GPC5: variants seen among roughly 807,000 people sequenced by gnomAD.
GPC5 encodes the protein glypican 5, also known as glypican-5.
In GPC5, 47 loss-of-function variants were observed where a neutral mutation model predicts 53.9. The ratio of observed to expected loss-of-function variants is 0.87; its 90% CI spans 0.69 to 1.11. The LOEUF is 1.11. GPC5 is among the 50% of genes most tolerant of loss of function. GPC5 has a pLI of 0.00. For missense variants in GPC5, 748 were observed against 713.1 expected (o/e 1.05, Z -0.56); for synonymous variants, 286 against 263.3 (o/e 1.09, Z -0.84).
At chr13:91,746,284 G>A (rs1566655903) in intron 4 of GPC5, among the ~76,000 whole-genome samples, 1 of 152,114 alleles carries the variant, frequency 6.6e-6, no homozygotes, top group Non-Finnish European at 1.5e-5. Context: ...CAAACAGTGT[G>A]CTAGGCATTG....
At chr13:91,502,314 C>A in intron 2 of GPC5, among the ~76,000 whole-genome samples, 1 of 152,128 alleles carries the variant, frequency 6.6e-6, no homozygotes, top group Non-Finnish European at 1.5e-5. Context: ...ACATGAAGTC[C>A]TTGCTCATGC....
At chr13:92,353,382 A>T (rs893982406) in intron 7 of GPC5, among the ~76,000 whole-genome samples, 1 of 152,058 alleles carries the variant, frequency 6.6e-6, no homozygotes, top group African/African-American at 2.4e-5. Context: ...AACAACATGG[A>T]TTTATCTTGA....
intron 7 of GPC5, among the ~76,000 whole-genome samples, chr13:92,385,463 CATAT>C (rs1236770481): frequency 8.6e-6 from 1 of 115,914 alleles, no homozygotes; most frequent in African/African-American, 3.3e-5. Flanking sequence ...CATATATACA[CATAT>C]ATACATATAT....
intron 7 of GPC5, among the ~76,000 whole-genome samples, chr13:92,272,127 T>C (rs968672189): frequency 6.6e-6 from 1 of 152,210 alleles, no homozygotes; most frequent in African/African-American, 2.4e-5. Flanking sequence ...GTAAGTTTCC[T>C]AACATGTCAT....
intron 2 of GPC5, among the ~76,000 whole-genome samples, chr13:91,618,500 G>C (rs2033760696): frequency 6.6e-6 from 1 of 151,954 alleles, no homozygotes; most frequent in Non-Finnish European, 1.5e-5. Context: ...CTCTCTCTCA[G>C]CCCACTCATG....
At position 92,829,011 on chromosome 13, in the gene GPC5, T is replaced by C. The variant is rs540002601; in HGVS notation, c.1562-37271T>C. On this transcript the variant is annotated intron_variant, in intron 7 of 7. Transcript: ENST00000377067. Reference sequence around the variant, plus strand: ...TCCCTAAATCCACAAAAATAAACCATTTTTAAAAATGAAATAAAATGCACC... The same window carrying C: ...TCCCTAAATCCACAAAAATAAACCACTTTTAAAAATGAAATAAAATGCACC... Among the ~76,000 whole-genome samples the C allele has an allele frequency of 3.3e-5, 5 of 152,254 alleles. No individual in the cohort carries two copies. In the South Asian group the frequency reaches 6.2e-4, roughly 19 times the overall value.
intron 7 of GPC5, among the ~76,000 whole-genome samples, chr13:92,473,129 C>T (rs766506265): frequency 3.9e-5 from 6 of 152,022 alleles, no homozygotes; most frequent in Non-Finnish European, 8.8e-5. Context: ...GTCTGAACAG[C>T]ACAAACCACA....
At chr13:92,713,608 C>CA (rs5805758) in intron 7 of GPC5, among the ~76,000 whole-genome samples, 54,891 of 113,648 alleles carry the variant, frequency 0.48, 12,487 homozygotes, top group East Asian at 0.76. Context: ...ACTCCAATCT[C>CA]AAAAAAAAAA....
At chr13:91,474,328 G>A (rs540995638) in intron 2 of GPC5, among the ~76,000 whole-genome samples, 42 of 152,180 alleles carry the variant, frequency 2.8e-4, no homozygotes, top group African/African-American at 1.0e-3. Context: ...TTGGTTTCTT[G>A]TCTTTAGAGG....
intron 5 of GPC5, among the ~76,000 whole-genome samples, chr13:91,757,572 C>T (rs775670610): frequency 3.3e-5 from 5 of 152,056 alleles, no homozygotes; most frequent in African/African-American, 7.2e-5. Context: ...TGGTTTTATA[C>T]GGGGCTTCCC....
chr13:92,027,988 C>T (rs2040813031), intron 6 of GPC5, among the ~76,000 whole-genome samples: 1 of 152,096 alleles, frequency 6.6e-6, no homozygotes, highest in Non-Finnish European at 1.5e-5. Context: ...TAAGCTAACT[C>T]CTCAAATTGC....
chr13:92,115,702 G>T (rs1463682449), intron 6 of GPC5, among the ~76,000 whole-genome samples: 1 of 152,148 alleles, frequency 6.6e-6, no homozygotes, highest in Non-Finnish European at 1.5e-5. Context: ...GATCCACGTT[G>T]TTGTGTGTAT....
At chr13:92,547,249 A>C (rs1882149554) in intron 7 of GPC5, among the ~76,000 whole-genome samples, 1 of 152,208 alleles carries the variant, frequency 6.6e-6, no homozygotes, top group African/African-American at 2.4e-5. Context: ...GAATTGAAAA[A>C]TATGGCCTAA....
At chr13:92,224,216 T>C (rs2042468551) in intron 7 of GPC5, among the ~76,000 whole-genome samples, 1 of 152,142 alleles carries the variant, frequency 6.6e-6, no homozygotes, top group Non-Finnish European at 1.5e-5. Flanking sequence ...GCCATCAGAA[T>C]AGCAATAACA....
At chr13:91,466,146 A>G (rs962724998) in intron 2 of GPC5, among the ~76,000 whole-genome samples, 4 of 152,184 alleles carry the variant, frequency 2.6e-5, no homozygotes, top group African/African-American at 9.7e-5. Flanking sequence ...CAAACATCCC[A>G]TAGAGTACCT....
intron 6 of GPC5, among the ~76,000 whole-genome samples, chr13:92,101,894 T>C (rs953969756): frequency 6.6e-6 from 1 of 152,216 alleles, no homozygotes; most frequent in Non-Finnish European, 1.5e-5. Flanking sequence ...AACTTTAAAA[T>C]ATTCAAGGCA....
At chr13:92,362,270 C>T (rs1431614891) in intron 7 of GPC5, among the ~76,000 whole-genome samples, 3 of 151,570 alleles carry the variant, frequency 2.0e-5, no homozygotes, top group Admixed American at 1.3e-4. Flanking sequence ...TTTCAAACTG[C>T]GTCCAAGTCC....
rs189038716 is a variant in GPC5 at position 92,420,064 on chromosome 13, C to T, written c.1561+275075C>T. The stretch of plus-strand genomic sequence containing the variant: ...TGTTTCCAAGCCTCAAATCTACATC[C>T]CTTATTAACATATTTCCTCCAATCC... On this transcript the variant is annotated intron_variant, in intron 7 of 7. Transcript: ENST00000377067. Among the ~76,000 whole-genome samples, 364 of 152,244 alleles carry T rather than the reference C, an allele frequency of 2.4e-3. 1 individual carries two copies. The highest frequency in any genetic ancestry group is 4.3e-3 in the Non-Finnish European group (293 of 68,020).
chr13:92,127,846 A>T (rs1393419856), intron 6 of GPC5, among the ~76,000 whole-genome samples: 2 of 152,216 alleles, frequency 1.3e-5, no homozygotes, highest in Non-Finnish European at 2.9e-5. Flanking sequence ...ATTTTCAAAG[A>T]AAAAAGCACA....
Sources: gnomAD v4.1 joint callset for allele counts (sites outside exome capture counted in the v4.1 genomes callset) on GRCh38, gnomAD v4.1.1 for gene constraint, MANE v1.5 for transcripts, NCBI Gene and HGNC (gene_info 2026-07-23, HGNC 2026-07-21) for gene names.